Variants in DAZAP1 observed in about 807,000 individuals in gnomAD.
DAZAP1 encodes DAZ-associated protein 1.
DAZAP1 carries 6 observed loss-of-function variants against 60.1 expected under a neutral mutation model. That is an observed-to-expected ratio of 0.10 (90% CI 0.05 to 0.20). The LOEUF (loss-of-function observed/expected upper bound fraction) is 0.20. Among genes scored for constraint, DAZAP1 ranks in the 10% least tolerant of loss-of-function variants. The pLI is 1.00. For missense variants in DAZAP1, 366 were observed against 560.4 expected (o/e 0.65, Z 3.50); for synonymous variants, 235 against 215.9 (o/e 1.09, Z -0.78).
In DAZAP1 at chr19:1,418,075, A is replaced by AC; in HGVS notation, c.71-124dup. 1.1e-6 allele frequency: 1 copy of AC among 902,242 alleles called. No individual in the cohort carries two copies. 55.9% of individuals were successfully genotyped at this position (902,242 alleles called of 1,614,324 possible). A position where few individuals can be genotyped will look rare whatever the true frequency, so the allele number is the denominator to read the frequency against. On this transcript the variant is annotated intron_variant, in intron 2 of 11. Coordinates refer to ENST00000233078, the MANE Select transcript of DAZAP1 (RefSeq NM_018959.4). The surrounding 1 kb of genome is among the most constrained non-coding windows in gnomAD (Gnocchi z 5.7). ...CCCCAGCGCTTCCCGTACACCCCCC[A>AC]CCCCCAGTGCAGCATCGCTCGGTGC... is the stretch of plus-strand genomic sequence containing the variant.
chr19:1,413,988 A>AGT (rs1156764751), intron 1 of DAZAP1, among the ~76,000 whole-genome samples: 2 of 95,800 alleles, frequency 2.1e-5, no homozygotes, highest in Admixed American at 1.0e-4. Flanking sequence ...CCCCCAGTGA[A>AGT]CTGTGTGTGT....
intron 1 of DAZAP1, among the ~76,000 whole-genome samples, chr19:1,410,877 G>A (rs1028053579): frequency 1.3e-5 from 2 of 152,256 alleles, no homozygotes; most frequent in African/African-American, 4.8e-5. Context: ...GTCACAGAGG[G>A]AGGAAGGACT....
chr19:1,425,309 A>G lies in DAZAP1; in HGVS notation c.464-569A>G, dbSNP rs1174269183. On this transcript the variant is annotated intron_variant, in intron 6 of 11. Coordinates refer to ENST00000233078, the MANE Select transcript of DAZAP1 (RefSeq NM_018959.4). This position sits in a 1 kb window ranked among gnomAD's most constrained non-coding sequence, Gnocchi z 5.4. ...AGAACGATATATGGCTGCTGTCAGCACTAGCTGCAAAGCAAATTGCAAGCC... is the reference window on the plus strand; with the variant it reads ...AGAACGATATATGGCTGCTGTCAGCGCTAGCTGCAAAGCAAATTGCAAGCC... Among the ~76,000 whole-genome samples the G allele has an allele frequency of 6.6e-6, 1 of 152,224 alleles. No individual in the cohort carries two copies. The highest frequency in any genetic ancestry group is 2.4e-5 in the African/African-American group (1 of 41,456).
chr19:1,418,788 A>G lies in DAZAP1; in HGVS notation c.303+57A>G, dbSNP rs760152708. The G allele has an allele frequency of 1.9e-5, 29 of 1,502,658 alleles. No homozygotes were observed. Among genetic ancestry groups the G allele is most frequent in the Non-Finnish European group, 2.5e-5 (28 of 1,113,060 alleles). The allele number at this position is 1,502,658 out of a possible 1,614,324, so 93.1% of individuals were successfully genotyped here. A position where few individuals can be genotyped will look rare whatever the true frequency, so the allele number is the denominator to read the frequency against. ...TGTTCTCCACTCCACGTGGAAAGGA[A>G]ATGCGTGCCTTCAATCTGCTGTTGT... On this transcript the variant is annotated intron_variant, in intron 4 of 11. Transcript: ENST00000233078. This position sits in a 1 kb window ranked among gnomAD's most constrained non-coding sequence, Gnocchi z 5.7.
At chr19:1,415,479 G>T (rs1178108373) in intron 1 of DAZAP1, among the ~76,000 whole-genome samples, 2 of 150,172 alleles carry the variant, frequency 1.3e-5, no homozygotes, top group Non-Finnish European at 3.0e-5. Flanking sequence ...GTTCCAGCCA[G>T]GCTTGGGGGC....
intron 8 of DAZAP1, 144 bp downstream of exon 8, chr19:1,429,139 G>A (rs959982501): frequency 2.5e-5 from 29 of 1,139,528 alleles, no homozygotes; most frequent in Middle Eastern, 3.0e-4. Context: ...GAGCCCCCGC[G>A]AGGTGCCGGC....
At position 1,435,000 on chromosome 19, in the gene DAZAP1, C is replaced by T. The variant is rs1046189486; in HGVS notation, c.*88C>T. 227 of 651,184 alleles carry T rather than the reference C, an allele frequency of 3.5e-4. No homozygotes were observed. In the African/African-American group the frequency reaches 4.0e-3, roughly 12 times the overall value. The allele number at this position is 651,184 out of a possible 1,614,324, so 40.3% of individuals were successfully genotyped here. On this transcript the variant is annotated 3_prime_UTR_variant, in exon 12 of 12. Transcript: ENST00000233078. The surrounding 1 kb of genome is among the most constrained non-coding windows in gnomAD (Gnocchi z 8.0). ...AATCACAAACTTGGCGGCAAAGTGG[C>T]GACTCAACCTTGGGGGGGGGGGCGG...
chr19:1,428,700 C>A lies in DAZAP1; in HGVS notation c.547-142C>A. ...TTTTTTAAGAAAAAAATGCTACTGGCCTAAATAAGGTTTATAGTTAAGTAT... is the reference window on the plus strand; with the variant it reads ...TTTTTTAAGAAAAAAATGCTACTGGACTAAATAAGGTTTATAGTTAAGTAT... On this transcript the variant is annotated intron_variant, in intron 7 of 11. Transcript: ENST00000233078. This position sits in a 1 kb window ranked among gnomAD's most constrained non-coding sequence, Gnocchi z 4.0. 2 of 1,011,288 alleles carry A rather than the reference C, an allele frequency of 2.0e-6. No homozygotes were observed. The highest frequency in any genetic ancestry group is 1.8e-5 in the South Asian group (1 of 56,804). 62.6% of individuals were successfully genotyped at this position (1,011,288 alleles called of 1,614,324 possible).
chr19:1,428,313 C>T lies in DAZAP1; in HGVS notation c.547-529C>T, dbSNP rs1206817759. On this transcript the variant is annotated intron_variant, in intron 7 of 11. Coordinates refer to ENST00000233078, the MANE Select transcript of DAZAP1 (RefSeq NM_018959.4). This position sits in a 1 kb window ranked among gnomAD's most constrained non-coding sequence, Gnocchi z 4.0. ...TTAATTGAGATTCTTTAAGCGTTAG[C>T]CTGGGGAAGGTAAGTCTTTATCTTC... 1 of 152,460 alleles carries T rather than the reference C, an allele frequency of 6.6e-6. No homozygotes were observed. The allele number at this position is 152,460 out of a possible 1,614,324, so 9.4% of individuals were successfully genotyped here.
chr19:1,428,832 G>A lies in DAZAP1; in HGVS notation c.547-10G>A. 1 of 1,612,812 alleles carries A rather than the reference G, an allele frequency of 6.2e-7. No homozygotes were observed. Among genetic ancestry groups the A allele is most frequent in the Non-Finnish European group, 8.5e-7 (1 of 1,179,822 alleles). ...CAGCCTCGCCCTAAACCAGAGCTCG[G>A]TTTGTTTAGGTGGAAGTTAAACGAG... On this transcript the variant is annotated splice_polypyrimidine_tract_variant and intron_variant, in intron 7 of 11. Transcript: ENST00000233078. The surrounding 1 kb of genome is among the most constrained non-coding windows in gnomAD (Gnocchi z 4.0).
chr19:1,434,272 G>C lies in DAZAP1; in HGVS notation c.1049-465G>C, dbSNP rs76158954. The C allele has an allele frequency of 4.8e-6, 1 of 206,696 alleles. No homozygotes were observed. The highest frequency in any genetic ancestry group is 2.3e-5 in the African/African-American group (1 of 42,720). 12.8% of individuals were successfully genotyped at this position (206,696 alleles called of 1,614,324 possible). On this transcript the variant is annotated intron_variant, in intron 11 of 11. Transcript: ENST00000233078. The surrounding 1 kb of genome is among the most constrained non-coding windows in gnomAD (Gnocchi z 8.0). The stretch of plus-strand genomic sequence containing the variant: ...TGCCACCGATGGACGTGCCCTGACA[G>C]GAAGGACAACGTGGGGTCTGGTCTG...
At position 1,433,532 on chromosome 19, in the gene DAZAP1, G is replaced by C; in HGVS notation, c.1048+842G>C. On this transcript the variant is annotated intron_variant, in intron 11 of 11. Coordinates refer to ENST00000233078, the MANE Select transcript of DAZAP1 (RefSeq NM_018959.4). The surrounding 1 kb of genome is among the most constrained non-coding windows in gnomAD (Gnocchi z 6.1). ...GCCGAGGTGCCCGCCCACCCACCTCGCATGGCTGTGGTTCCCCTGCCCCCA... is the reference window on the plus strand; with the variant it reads ...GCCGAGGTGCCCGCCCACCCACCTCCCATGGCTGTGGTTCCCCTGCCCCCA... 26 of 489,986 alleles carry C rather than the reference G, an allele frequency of 5.3e-5. No individual in the cohort carries two copies. The highest frequency in any genetic ancestry group is 7.6e-5 in the East Asian group (2 of 26,238). 30.4% of individuals were successfully genotyped at this position (489,986 alleles called of 1,614,324 possible).
rs1474192383 is a variant in DAZAP1 at position 1,418,494 on chromosome 19, A to G, written c.237+124A>G. 18 of 1,440,516 alleles carry G rather than the reference A, an allele frequency of 1.2e-5. No homozygotes were observed. The East Asian group carries it at 3.9e-4, about 31-fold the overall frequency. The allele number at this position is 1,440,516 out of a possible 1,614,324, so 89.2% of individuals were successfully genotyped here. ...ATGTTTGAACGTGGGGTCGATTGGGAAGGATTAAGCCTTGGTGCTGAGGCT... is the reference window on the plus strand; with the variant it reads ...ATGTTTGAACGTGGGGTCGATTGGGGAGGATTAAGCCTTGGTGCTGAGGCT... On this transcript the variant is annotated intron_variant, in intron 3 of 11. Transcript: ENST00000233078. The surrounding 1 kb of genome is among the most constrained non-coding windows in gnomAD (Gnocchi z 5.7).
Position 1,425,975 on chromosome 19 carries a change from T to G in DAZAP1, c.546+15T>G. The stretch of plus-strand genomic sequence containing the variant: ...TGGGCAAAAAAGTGTGTAGTTGTAG[T>G]TTTATTTTACCTTAAGACCAAACCA... On this transcript the variant is annotated intron_variant, in intron 7 of 11. Coordinates refer to ENST00000233078, the MANE Select transcript of DAZAP1 (RefSeq NM_018959.4). This position sits in a 1 kb window ranked among gnomAD's most constrained non-coding sequence, Gnocchi z 5.4. 1 of 1,582,178 alleles carries G rather than the reference T, an allele frequency of 6.3e-7. No individual in the cohort carries two copies. Among genetic ancestry groups the G allele is most frequent in the Non-Finnish European group, 8.7e-7 (1 of 1,150,992 alleles).
chr19:1,430,513 T>A (rs2083420772), intron 10 of DAZAP1, 151 bp downstream of exon 10: 2 of 677,180 alleles, frequency 3.0e-6, no homozygotes, highest in African/African-American at 3.8e-5. Context: ...ACCAGGCCCT[T>A]CACCTGCAGA....
chr19:1,427,401 T>G (rs2083332172), intron 7 of DAZAP1: 1 of 150,824 alleles, frequency 6.6e-6, no homozygotes, highest in South Asian at 2.1e-4. Flanking sequence ...AGCCAGACAG[T>G]CGTTGGAGTC....
Position 1,428,889 on chromosome 19 carries a change from G to T in DAZAP1, c.594G>T (p.Pro198=). The change falls in exon 8 of 12, where the codon CCG becomes CCT. Residue 198 remains proline (P), a synonymous_variant. Transcript: ENST00000233078. The surrounding 1 kb of genome is among the most constrained non-coding windows in gnomAD (Gnocchi z 4.0). ...AEPRDSKSQA[P]GQPGASQWGS... ...CTCGGGACAGCAAGAGCCAAGCGCC[G>T]GGACAGCCAGGTGCCAGCCAGTGGG... is the stretch of plus-strand genomic sequence containing the variant. 1.9e-6 allele frequency: 3 copies of T among 1,613,032 alleles called. No homozygotes were observed. The South Asian group carries it at 3.3e-5, about 18-fold the overall frequency.
At position 1,425,663 on chromosome 19, in the gene DAZAP1, C is replaced by T. The variant is rs1160006573; in HGVS notation, c.464-215C>T. On this transcript the variant is annotated intron_variant, in intron 6 of 11. Coordinates refer to ENST00000233078, the MANE Select transcript of DAZAP1 (RefSeq NM_018959.4). This position sits in a 1 kb window ranked among gnomAD's most constrained non-coding sequence, Gnocchi z 5.4. ...CTCAGGCCTCAGTCAGCAGAGCCGT[C>T]ACCGGGAGTGCGGACGTCACCGTCT... 6.6e-6 allele frequency among the ~76,000 whole-genome samples: 1 copy of T among 152,234 alleles called. No individual in the cohort carries two copies. The highest frequency in any genetic ancestry group is 1.5e-5 in the Non-Finnish European group (1 of 68,042).
intron 1 of DAZAP1, chr19:1,417,176 C>A: frequency 2.5e-6 from 1 of 404,746 alleles, no homozygotes. Context: ...GCCTGTGTCC[C>A]ACTTGGCAGC....
Sources: gnomAD v4.1 joint callset for allele counts (sites outside exome capture counted in the v4.1 genomes callset) on GRCh38, gnomAD v4.1.1 for gene constraint, Gnocchi (gnomAD v3.1) non-coding constraint, MANE v1.5 for transcripts, NCBI Gene and HGNC (gene_info 2026-07-23, HGNC 2026-07-21) for gene names.